Variants in SOHLH2 observed in about 807,000 individuals in gnomAD.
SOHLH2 encodes spermatogenesis and oogenesis specific basic helix-loop-helix 2.
Under a neutral mutation model 50.4 loss-of-function variants are expected in SOHLH2, and 22 were observed. That is an observed-to-expected ratio of 0.44 (90% CI 0.31 to 0.62). The LOEUF is 0.62. Among genes scored for constraint, SOHLH2 ranks in the 20% least tolerant of loss-of-function variants. The probability of loss-of-function intolerance (pLI) is 0.08; values close to 1 mark genes in which losing one functional copy is unlikely to be tolerated. For synonymous variants in SOHLH2, 185 were observed against 187.3 expected (o/e 0.99, Z 0.10); for missense variants, 412 against 504.4 (o/e 0.82, Z 1.76).
chr13:36,170,255 G>A (rs1363660491), intron 10 of SOHLH2, among the ~76,000 whole-genome samples: 1 of 152,128 alleles, frequency 6.6e-6, no homozygotes, highest in Non-Finnish European at 1.5e-5. Flanking sequence ...GGCAATCAGT[G>A]CTAGGGGAGA....
chr13:36,193,785 C>A (rs774420553), intron 3 of SOHLH2, 21 bp downstream of exon 3: 1 of 1,602,416 alleles, frequency 6.2e-7, no homozygotes, highest in Non-Finnish European at 8.5e-7. Context: ...AAAACAAATA[C>A]TATATTTAGC....
At chr13:36,183,888 T>A (rs1341994801) in intron 6 of SOHLH2, among the ~76,000 whole-genome samples, 1 of 151,932 alleles carries the variant, frequency 6.6e-6, no homozygotes, top group Non-Finnish European at 1.5e-5. Context: ...CAACAGAATC[T>A]CAAACTACAT....
intron 6 of SOHLH2, chr13:36,182,249 C>T: frequency 7.1e-6 from 7 of 985,370 alleles, no homozygotes; most frequent in Non-Finnish European, 8.4e-6. Context: ...ATCTTGTATA[C>T]AGTGAAGAGC....
intron 1 of SOHLH2, among the ~76,000 whole-genome samples, chr13:36,211,923 C>A (rs1869149620): frequency 6.6e-6 from 1 of 152,128 alleles, no homozygotes; most frequent in African/African-American, 2.4e-5. Context: ...GGAAACAGGG[C>A]CTCCTGCAGA....
At chr13:36,188,163 A>G (rs568125644) in intron 6 of SOHLH2, among the ~76,000 whole-genome samples, 134 of 152,334 alleles carry the variant, frequency 8.8e-4, no homozygotes, top group African/African-American at 3.0e-3. Flanking sequence ...TGACTGGACC[A>G]TCCACCAGCT....
Position 36,184,460 on chromosome 13 carries a change from C to CTTTT in SOHLH2, c.641+5482_641+5485dup, listed in dbSNP as rs1229884029. ...GATGGAAGTTTCTACCTACAAAGACCTTTTTTTTTTTTTTTTTTTGAGACG... is the reference window on the plus strand; with the variant it reads ...GATGGAAGTTTCTACCTACAAAGACCTTTTTTTTTTTTTTTTTTTTTTTGAGACG... On this transcript the variant is annotated intron_variant, in intron 6 of 10. Coordinates refer to ENST00000379881, the MANE Select transcript of SOHLH2 (RefSeq NM_017826.3). Among the ~76,000 whole-genome samples the CTTTT allele has an allele frequency of 2.2e-4, 27 of 121,172 alleles. 1 individual carries two copies. The highest frequency in any genetic ancestry group is 3.1e-4 in the African/African-American group (10 of 32,352). The allele number at this position is 121,172 out of a possible 152,430, so 79.5% of individuals were successfully genotyped here. A position where few individuals can be genotyped will look rare whatever the true frequency, so the allele number is the denominator to read the frequency against.
At chr13:36,175,636 ATGG>A (rs1887078078) in intron 6 of SOHLH2, among the ~76,000 whole-genome samples, 3 of 152,324 alleles carry the variant, frequency 2.0e-5, no homozygotes, top group African/African-American at 7.2e-5. Context: ...ACAGGGTTGA[ATGG>A]TGGCTCTGCT....
At chr13:36,206,517 T>G (rs1868771335) in intron 1 of SOHLH2, among the ~76,000 whole-genome samples, 1 of 152,092 alleles carries the variant, frequency 6.6e-6, no homozygotes, top group African/African-American at 2.4e-5. Context: ...GTTGCTCATT[T>G]CTTATTTCAG....
At chr13:36,202,932 G>A (rs911129045) in intron 1 of SOHLH2, among the ~76,000 whole-genome samples, 5 of 152,222 alleles carry the variant, frequency 3.3e-5, no homozygotes, top group Non-Finnish European at 7.3e-5. Context: ...GGATGCTGGT[G>A]TAAGTGGCCC....
intron 9 of SOHLH2, among the ~76,000 whole-genome samples, chr13:36,172,013 G>C (rs1356625042): frequency 6.6e-6 from 1 of 152,134 alleles, no homozygotes; most frequent in Non-Finnish European, 1.5e-5. Flanking sequence ...ATCGGCACTG[G>C]TTTTCAAACG....
At chr13:36,172,726 T>C (rs1475882671) in intron 9 of SOHLH2, among the ~76,000 whole-genome samples, 2 of 152,198 alleles carry the variant, frequency 1.3e-5, no homozygotes, top group Non-Finnish European at 2.9e-5. Flanking sequence ...GAACTAGGGA[T>C]GGACTTGGTA....
At chr13:36,201,067 A>AG (rs1292572383) in intron 2 of SOHLH2, among the ~76,000 whole-genome samples, 4 of 150,682 alleles carry the variant, frequency 2.7e-5, no homozygotes, top group East Asian at 1.9e-4. Flanking sequence ...AAAAAAAAAA[A>AG]AAAAGAAAAG....
chr13:36,191,755 C>G lies in SOHLH2; in HGVS notation c.530+40G>C, dbSNP rs758705724. ...AAAATAGCCACAATCAATAAGTTCTCTAAAAATATTGCTATTATGAAAAAG... is the reference window on the plus strand; with the variant it reads ...AAAATAGCCACAATCAATAAGTTCTGTAAAAATATTGCTATTATGAAAAAG... On this transcript the variant is annotated intron_variant, in intron 5 of 10. Coordinates refer to ENST00000379881, the MANE Select transcript of SOHLH2 (RefSeq NM_017826.3). 3.1e-6 allele frequency: 5 copies of G among 1,610,590 alleles called. No individual in the cohort carries two copies. The Admixed American group carries it at 8.4e-5, about 27-fold the overall frequency.
At chr13:36,184,959 C>A (rs1887374186) in intron 6 of SOHLH2, among the ~76,000 whole-genome samples, 1 of 152,018 alleles carries the variant, frequency 6.6e-6, no homozygotes, top group Admixed American at 6.6e-5. Context: ...GTGCAATATT[C>A]CCCTCCCTGT....
intron 6 of SOHLH2, among the ~76,000 whole-genome samples, chr13:36,189,233 T>C (rs1224634891): frequency 6.6e-6 from 1 of 152,158 alleles, no homozygotes; most frequent in Non-Finnish European, 1.5e-5. Context: ...TGTTACATCC[T>C]ATTAGAGTGT....
intron 5 of SOHLH2, among the ~76,000 whole-genome samples, chr13:36,191,516 T>C (rs1887572529): frequency 6.6e-6 from 1 of 152,196 alleles, no homozygotes; most frequent in South Asian, 2.1e-4. Flanking sequence ...CACTGCGCTA[T>C]TTAACTTTGC....
At chr13:36,172,724 G>T (rs1299807868) in intron 9 of SOHLH2, among the ~76,000 whole-genome samples, 2 of 152,178 alleles carry the variant, frequency 1.3e-5, no homozygotes, top group African/African-American at 4.8e-5. Context: ...GAGAACTAGG[G>T]ATGGACTTGG....
chr13:36,214,373 C>T (rs774485748), intron 1 of SOHLH2, 106 bp downstream of exon 1: 1 of 1,374,132 alleles, frequency 7.3e-7, no homozygotes, highest in Non-Finnish European at 1.0e-6. Context: ...AGTTCCCCGA[C>T]AATGAGAGCT....
At chr13:36,184,901 C>T (rs1230862807) in intron 6 of SOHLH2, among the ~76,000 whole-genome samples, 1 of 152,118 alleles carries the variant, frequency 6.6e-6, no homozygotes, top group Non-Finnish European at 1.5e-5. Flanking sequence ...GGTATTTGTC[C>T]TAATGCTCTC....
Sources: allele counts gnomAD v4.1 joint callset (sites outside exome capture counted in the v4.1 genomes callset), GRCh38; gene constraint gnomAD v4.1.1; transcripts MANE v1.5; gene names NCBI Gene and HGNC (gene_info 2026-07-23, HGNC 2026-07-21).